Variants in CALCR observed in about 807,000 individuals in gnomAD.
CALCR encodes calcitonin receptor.
CALCR carries 47 observed loss-of-function variants against 59.5 expected under a neutral mutation model. That is an observed-to-expected ratio of 0.79 (90% CI 0.63 to 1.01). The LOEUF is 1.01. Among genes scored for constraint, CALCR ranks in the 50% least tolerant of loss-of-function variants. The pLI is 0.00. For missense variants in CALCR, 566 were observed against 597.1 expected, an observed-to-expected ratio of 0.95 and a Z score of 0.54; for synonymous variants, 213 against 211.3, an observed-to-expected ratio of 1.01 and a Z score of -0.07.
Position 93,443,690 on chromosome 7 carries a change from C to T in CALCR, c.716G>A (p.Cys239Tyr). ...GAGTGTATGAAGATAGATCCCTTCA[C>T]AGAGCATCCAGAAATAGTTGCAGGC... is the stretch of plus-strand genomic sequence containing the variant. ...MMACNYFWML[C>Y]EGIYLHTLIV... The change falls in exon 9 of 14, where the codon TGT becomes TAT. Residue 239 changes from cysteine to tyrosine, a missense_variant. By Grantham distance (194) the Cys-to-Tyr change is radical (BLOSUM62 -2). Coordinates refer to ENST00000426151, the MANE Select transcript of CALCR (RefSeq NM_001742.4). The T allele has an allele frequency of 6.2e-7, 1 of 1,613,028 alleles. No homozygotes were observed. Among genetic ancestry groups the T allele is most frequent in the Non-Finnish European group, 8.5e-7 (1 of 1,179,098 alleles).
chr7:93,463,688 G>T (rs1193477192), intron 7 of CALCR, among the ~76,000 whole-genome samples: 1 of 151,964 alleles, frequency 6.6e-6, no homozygotes, highest in Non-Finnish European at 1.5e-5. Context: ...TTGTTCTGAA[G>T]AAGAGGTGTG....
In CALCR at chr7:93,521,741, A is replaced by G. The variant is rs1157669685; in HGVS notation, c.-26-34734T>C. Among the ~76,000 whole-genome samples the G allele has an allele frequency of 2.0e-5, 3 of 152,334 alleles. No individual in the cohort carries two copies. The East Asian group carries it at 5.8e-4, about 29-fold the overall frequency. ...GATATGAAGATGCATAGATATTGCC[A>G]TATGTATTACATATCTATTAATACT... On this transcript the variant is annotated intron_variant, in intron 2 of 13. Coordinates refer to ENST00000426151, the MANE Select transcript of CALCR (RefSeq NM_001742.4).
At position 93,468,823 on chromosome 7, in the gene CALCR, T is replaced by TAAACAAACGAAC. The variant is rs139734304; in HGVS notation, c.430-18_430-17insGTTCGTTTGTTT. 1.0e-4 allele frequency: 122 copies of TAAACAAACGAAC among 1,209,108 alleles called. No individual in the cohort carries two copies. Among genetic ancestry groups the TAAACAAACGAAC allele is most frequent in the Non-Finnish European group, 1.1e-4 (92 of 836,192 alleles). 74.9% of individuals were successfully genotyped at this position (1,209,108 alleles called of 1,614,324 possible). ...ATATGCATTCTGGAACAACAAAAAGTAAACAAACAAACAATGAATGAATGA... is the reference window on the plus strand; with the variant it reads ...ATATGCATTCTGGAACAACAAAAAGTAAACAAACGAACAAACAAACAAACAATGAATGAATGA... On this transcript the variant is annotated splice_polypyrimidine_tract_variant and intron_variant, in intron 6 of 13. Transcript: ENST00000426151.
chr7:93,558,651 C>T (rs978887596), intron 2 of CALCR, among the ~76,000 whole-genome samples: 2 of 151,926 alleles, frequency 1.3e-5, no homozygotes, highest in African/African-American at 2.4e-5. Context: ...CTTATTTACA[C>T]AGTTCTTTCT....
chr7:93,569,173 A>T (rs951831087), intron 2 of CALCR, among the ~76,000 whole-genome samples: 3 of 151,050 alleles, frequency 2.0e-5, no homozygotes, highest in African/African-American at 4.9e-5. Context: ...ATCTGTATCC[A>T]TCCTTTTTTT....
chr7:93,478,039 T>G (rs1391857954), intron 4 of CALCR, among the ~76,000 whole-genome samples: 1 of 146,920 alleles, frequency 6.8e-6, no homozygotes, highest in Non-Finnish European at 1.5e-5. Flanking sequence ...AAGGTATGTA[T>G]TCAAAAGAAT....
chr7:93,459,084 T>C (rs548563791), intron 8 of CALCR, among the ~76,000 whole-genome samples: 29 of 152,296 alleles, frequency 1.9e-4, no homozygotes, highest in African/African-American at 6.7e-4. Context: ...TATTAAATAA[T>C]AGAGGCTGCA....
chr7:93,496,632 T>G (rs1226462376), intron 2 of CALCR, among the ~76,000 whole-genome samples: 2 of 151,528 alleles, frequency 1.3e-5, no homozygotes, highest in Non-Finnish European at 3.0e-5. Flanking sequence ...GGAGCAGTAT[T>G]TGTCAAGAAC....
intron 6 of CALCR, among the ~76,000 whole-genome samples, chr7:93,469,569 G>A (rs1800511102): frequency 6.6e-6 from 1 of 150,994 alleles, no homozygotes; most frequent in Non-Finnish European, 1.5e-5. Flanking sequence ...CTGTGTTTCT[G>A]GTCTCTCTCT....
chr7:93,561,584 A>T (rs939706493), intron 2 of CALCR, among the ~76,000 whole-genome samples: 2 of 152,198 alleles, frequency 1.3e-5, no homozygotes, highest in African/African-American at 4.8e-5. Flanking sequence ...CCATCATTAG[A>T]TAAAAAGGAG....
rs11388861 is a variant in CALCR at position 93,469,327 on chromosome 7, C to CTT, written c.430-523_430-522dup. Among the ~76,000 whole-genome samples, 587 of 148,474 alleles carry CTT rather than the reference C, an allele frequency of 4.0e-3. 7 individuals carry two copies. The highest frequency in any genetic ancestry group is 0.013 in the African/African-American group (509 of 40,606). On this transcript the variant is annotated intron_variant, in intron 6 of 13. Transcript: ENST00000426151. Reference sequence around the variant, plus strand: ...TCCCCTTGGCAGCCATTTGATAATTCTTTTTTTTTTTCACGATCATGGTTA... The same window carrying CTT: ...TCCCCTTGGCAGCCATTTGATAATTCTTTTTTTTTTTTTCACGATCATGGTTA...
At chr7:93,573,741 A>C (rs1208311242) in intron 2 of CALCR, among the ~76,000 whole-genome samples, 3 of 152,218 alleles carry the variant, frequency 2.0e-5, no homozygotes, top group African/African-American at 7.2e-5. Context: ...GAAACTATGC[A>C]CACAACATAT....
At chr7:93,550,598 A>AACACACACACACAC (rs201729250) in intron 2 of CALCR, among the ~76,000 whole-genome samples, 3,260 of 121,866 alleles carry the variant, frequency 0.027, 78 homozygotes, top group African/African-American at 0.058. Context: ...ATTTGGGCTA[A>AACACACACACACAC]ACACACACAC....
chr7:93,433,867 G>T (rs73712885), intron 13 of CALCR, among the ~76,000 whole-genome samples: 8,409 of 152,310 alleles, frequency 0.055, 775 homozygotes, highest in African/African-American at 0.18. Context: ...CAAGCAACTG[G>T]AAAAGAAGGT....
intron 2 of CALCR, among the ~76,000 whole-genome samples, chr7:93,574,038 G>T (rs1217656970): frequency 1.3e-5 from 2 of 152,048 alleles, no homozygotes; most frequent in Non-Finnish European, 2.9e-5. Flanking sequence ...AAAGTCACAA[G>T]AAATCAAACG....
At chr7:93,551,369 A>G (rs1361386741) in intron 2 of CALCR, among the ~76,000 whole-genome samples, 1 of 152,210 alleles carries the variant, frequency 6.6e-6, no homozygotes, top group Non-Finnish European at 1.5e-5. Flanking sequence ...TATGCAGGCA[A>G]AACTTTTCCA....
At chr7:93,547,756 T>A (rs1188691373) in intron 2 of CALCR, among the ~76,000 whole-genome samples, 1 of 152,218 alleles carries the variant, frequency 6.6e-6, no homozygotes, top group Non-Finnish European at 1.5e-5. Context: ...TTGGTCCCAG[T>A]AACTTACTTT....
At chr7:93,427,116 C>T (rs1389313661) in intron 13 of CALCR, among the ~76,000 whole-genome samples, 2 of 152,164 alleles carry the variant, frequency 1.3e-5, no homozygotes, top group Non-Finnish European at 1.5e-5. Context: ...AATGCCATGA[C>T]AACTTTTTAA....
At position 93,473,590 on chromosome 7, in the gene CALCR, C is replaced by CT. The variant is rs1195826503; in HGVS notation, c.317-1104dup. On this transcript the variant is annotated intron_variant, in intron 5 of 13. Coordinates refer to ENST00000426151, the MANE Select transcript of CALCR (RefSeq NM_001742.4). Reference sequence around the variant, plus strand: ...GGTAACACTGGTTTGGCCCCCCCCCCTTTTTTTTTTTTTTTTTGAAATTGA... The same window carrying CT: ...GGTAACACTGGTTTGGCCCCCCCCCCTTTTTTTTTTTTTTTTTTGAAATTGA... Among the ~76,000 whole-genome samples, 452 of 123,906 alleles carry CT rather than the reference C, an allele frequency of 3.6e-3. 3 individuals are homozygous for CT. Among genetic ancestry groups the CT allele is most frequent in the East Asian group, 9.7e-3 (39 of 4,012 alleles). 81.3% of individuals were successfully genotyped at this position (123,906 alleles called of 152,430 possible).
Sources: gnomAD v4.1 joint callset for allele counts (sites outside exome capture counted in the v4.1 genomes callset) on GRCh38, gnomAD v4.1.1 for gene constraint, MANE v1.5 for transcripts, NCBI Gene and HGNC (gene_info 2026-07-23, HGNC 2026-07-21) for gene names.